The following PRPF8 variants were observed in gnomAD, a reference collection of about 807,000 sequenced individuals.
PRPF8 encodes pre-mRNA-processing-splicing factor 8.
PRPF8 carries 64 observed loss-of-function variants against 285.9 expected under a neutral mutation model. That is an observed-to-expected ratio of 0.22 (90% confidence interval 0.18 to 0.28). The LOEUF is 0.28. Among genes scored for constraint, PRPF8 ranks in the 10% least tolerant of loss-of-function variants. The probability of loss-of-function intolerance (pLI) is 1.00; values close to 1 mark genes in which losing one functional copy is unlikely to be tolerated. For synonymous variants in PRPF8, 1,325 were observed against 1,118.2 expected (o/e 1.18, Z -3.69); for missense variants, 1,426 against 3,026.7 (o/e 0.47, Z 12.41).
intron 11 of PRPF8, 24 bp downstream of exon 11, chr17:1,678,993 G>A (rs758683548): frequency 6.2e-7 from 1 of 1,613,806 alleles, no homozygotes; most frequent in Middle Eastern, 1.6e-4. Flanking sequence ...AGCCCAGGAG[G>A]CCCCTAGGGT....
At chr17:1,655,690 G>T (rs183055459) in intron 36 of PRPF8, 147 bp from the exon 37 acceptor site, 920 of 694,864 alleles carry the variant, frequency 1.3e-3, no homozygotes, top group Middle Eastern at 5.0e-3. Flanking sequence ...GCAGTGGCAT[G>T]ATCTCGGCTC....
At position 1,656,479 on chromosome 17, in the gene PRPF8, G is replaced by A. The variant is rs780644602; in HGVS notation, c.5706C>T (p.Phe1902=). The change falls in exon 36 of 43, where the codon TTC becomes TTT. Residue 1902 remains phenylalanine (F), a synonymous_variant. Coordinates refer to ENST00000304992, the MANE Select transcript of PRPF8 (RefSeq NM_006445.4). ...PFQACLKVEK[F]GDLILKATEP... ...CAGTGGCTTTAAGGATGAGATCCCC[G>A]AATTTTTCCACCTTGAGACACGCCT... is the stretch of plus-strand genomic sequence containing the variant. The A allele has an allele frequency of 4.5e-5, 72 of 1,614,114 alleles. No homozygotes were observed. The highest frequency in any genetic ancestry group is 5.3e-5 in the Non-Finnish European group (63 of 1,180,016).
At position 1,680,957 on chromosome 17, in the gene PRPF8, T is replaced by A. The variant is rs1339680432; in HGVS notation, c.964A>T (p.Asn322Tyr). 9 of 1,614,048 alleles carry A rather than the reference T, an allele frequency of 5.6e-6. No homozygotes were observed. The highest frequency in any genetic ancestry group is 7.6e-6 in the Non-Finnish European group (9 of 1,180,014). The change falls in exon 7 of 43, where the codon AAT (asparagine) becomes TAT (tyrosine). Residue 322 changes from asparagine to tyrosine, a missense_variant. By Grantham distance (143) the Asn-to-Tyr change is moderately radical. This residue lies in a region of PRPF8 where 157 missense variants were observed against 159.6 expected (regional missense o/e 0.98). Coordinates refer to ENST00000304992, the MANE Select transcript of PRPF8 (RefSeq NM_006445.4). ...GTGAGGTGGACATGGTGTGGAAGAT[T>A]GTTGTACAAGTAAGGAAAAGCAATC... ...YKIAFPYLYN[N>Y]LPHHVHLTWY...
At chr17:1,663,966 T>C (rs1911815957) in intron 24 of PRPF8, among the ~76,000 whole-genome samples, 1 of 152,090 alleles carries the variant, frequency 6.6e-6, no homozygotes, top group Non-Finnish European at 1.5e-5. Context: ...CTAAATACAT[T>C]ATGTAACTAA....
intron 24 of PRPF8, among the ~76,000 whole-genome samples, chr17:1,670,947 AG>A (rs1387952195): frequency 1.3e-5 from 2 of 151,442 alleles, no homozygotes; most frequent in African/African-American, 4.9e-5. Context: ...AAAAAAAAAA[AG>A]AAGAAAAACA....
intron 24 of PRPF8, among the ~76,000 whole-genome samples, chr17:1,668,084 T>C (rs964256025): frequency 4.6e-5 from 7 of 152,252 alleles, no homozygotes; most frequent in Non-Finnish European, 8.8e-5. Context: ...ATTTTACAGA[T>C]GAGGGAATTG....
rs1413229697 is a variant in PRPF8, at chr17:1,673,046, G to A, written c.3774+35C>T. 1.3e-6 allele frequency: 2 copies of A among 1,585,400 alleles called. No individual in the cohort carries two copies. The highest frequency in any genetic ancestry group is 2.2e-5 in the East Asian group (1 of 44,724). On this transcript the variant is annotated intron_variant, in intron 24 of 42. Transcript: ENST00000304992. This position sits in a 1 kb window ranked among gnomAD's most constrained non-coding sequence, Gnocchi z 5.5. ...TGTGAAATGAGCAGAGGACAGCAGAGGACAAGAGGGAAGCTGGGCATGACG... is the reference window on the plus strand; with the variant it reads ...TGTGAAATGAGCAGAGGACAGCAGAAGACAAGAGGGAAGCTGGGCATGACG...
In PRPF8 at chr17:1,679,518, A is replaced by C; in HGVS notation, c.1289+91T>G. The C allele has an allele frequency of 1.3e-6, 2 of 1,586,264 alleles. No homozygotes were observed. The highest frequency in any genetic ancestry group is 1.7e-6 in the Non-Finnish European group (2 of 1,168,628). The stretch of plus-strand genomic sequence containing the variant: ...ATTTTTATGGGAAAAAAAAAAAAAG[A>C]ATTTAAAAAAAAGGCTACATGCCCA... On this transcript the variant is annotated intron_variant, in intron 9 of 42. Transcript: ENST00000304992. The surrounding 1 kb of genome is among the most constrained non-coding windows in gnomAD (Gnocchi z 4.7).
intron 3 of PRPF8, among the ~76,000 whole-genome samples, chr17:1,682,759 A>G (rs1913006248): frequency 6.6e-6 from 1 of 152,178 alleles, no homozygotes; most frequent in Non-Finnish European, 1.5e-5. Context: ...AATAAACAAA[A>G]CTTCCAGTTC....
chr17:1,677,760 G>A lies in PRPF8; in HGVS notation c.1855-66C>T, dbSNP rs760148673. 97 of 1,597,736 alleles carry A rather than the reference G, an allele frequency of 6.1e-5. No homozygotes were observed. The African/African-American group carries it at 8.8e-4, about 15-fold the overall frequency. ...GCATTTAAACAACAATAGAAACCTG[G>A]GCAGAGGTGGGGCATATATGTATAA... On this transcript the variant is annotated intron_variant, in intron 13 of 42. Transcript: ENST00000304992.
At chr17:1,664,184 C>T (rs1911829496) in intron 24 of PRPF8, among the ~76,000 whole-genome samples, 11 of 152,012 alleles carry the variant, frequency 7.2e-5, no homozygotes, top group Admixed American at 7.2e-4. Context: ...GCGTGTACCA[C>T]CACACCCAGC....
In PRPF8 at chr17:1,659,981, A is replaced by G; in HGVS notation, c.4806T>C (p.Asp1602=). ...DLCQVFDQEL[D]ALEIETVQKE... Reference sequence around the variant, plus strand: ...TTTGTACTGTCTCAATTTCCAGTGCATCAAGTTCCTGGTCAAACACCTGAA... The same window carrying G: ...TTTGTACTGTCTCAATTTCCAGTGCGTCAAGTTCCTGGTCAAACACCTGAA... Residue 1602 remains aspartate, a synonymous_variant, in exon 31 of 43, where the codon GAT becomes GAC. Transcript: ENST00000304992. The surrounding 1 kb of genome is among the most constrained non-coding windows in gnomAD (Gnocchi z 5.1). 1 of 1,614,216 alleles carries G rather than the reference A, an allele frequency of 6.2e-7. No homozygotes were observed. The highest frequency in any genetic ancestry group is 1.3e-5 in the African/African-American group (1 of 75,062).
Position 1,675,045 on chromosome 17 carries a change from T to C in PRPF8, c.3060+107A>G. The stretch of plus-strand genomic sequence containing the variant: ...GCCTCAGCCTCCCAAAGTGCTGGGA[T>C]TACAGGCATGAGCCACCGCACCCAG... On this transcript the variant is annotated intron_variant, in intron 20 of 42. Coordinates refer to ENST00000304992, the MANE Select transcript of PRPF8 (RefSeq NM_006445.4). This position sits in a 1 kb window ranked among gnomAD's most constrained non-coding sequence, Gnocchi z 6.0. The C allele has an allele frequency of 7.4e-7, 1 of 1,344,210 alleles. No homozygotes were observed. Among genetic ancestry groups the C allele is most frequent in the Non-Finnish European group, 1.0e-6 (1 of 953,038 alleles). 83.3% of individuals were successfully genotyped at this position (1,344,210 alleles called of 1,614,324 possible).
intron 24 of PRPF8, among the ~76,000 whole-genome samples, chr17:1,663,737 A>G (rs1284877158): frequency 1.3e-5 from 2 of 149,246 alleles, no homozygotes; most frequent in African/African-American, 5.0e-5. Context: ...AAAAAAAAAA[A>G]AAGAGCCAAC....
At chr17:1,672,416 A>G (rs1235274937) in intron 24 of PRPF8, among the ~76,000 whole-genome samples, 2 of 152,138 alleles carry the variant, frequency 1.3e-5, no homozygotes, top group African/African-American at 2.4e-5. Flanking sequence ...AGTAGCTGCG[A>G]TTACAGGCGC....
At position 1,677,699 on chromosome 17, in the gene PRPF8, G is replaced by A. The variant is rs761657320; in HGVS notation, c.1855-5C>T. On this transcript the variant is annotated splice_region_variant and splice_polypyrimidine_tract_variant and intron_variant, in intron 13 of 42. Coordinates refer to ENST00000304992, the MANE Select transcript of PRPF8 (RefSeq NM_006445.4). ...AGGACCCTTCCCTACAGGGCCCTACGATCCCAAGCAGAAGTTAAGAATACA... is the reference window on the plus strand; with the variant it reads ...AGGACCCTTCCCTACAGGGCCCTACAATCCCAAGCAGAAGTTAAGAATACA... The A allele has an allele frequency of 5.6e-6, 9 of 1,613,666 alleles. No individual in the cohort carries two copies. Among genetic ancestry groups the A allele is most frequent in the South Asian group, 1.1e-5 (1 of 91,072 alleles).
chr17:1,665,880 G>C (rs1209245738), intron 24 of PRPF8, among the ~76,000 whole-genome samples: 1 of 149,462 alleles, frequency 6.7e-6, no homozygotes, highest in Non-Finnish European at 1.5e-5. Flanking sequence ...AAAGGTCCAG[G>C]CCAGGTGCGG....
In PRPF8 at chr17:1,682,251, C is replaced by T. The variant is rs754715753; in HGVS notation, c.312G>A (p.Glu104=). ...TCTGCTCCCAAGGCATAGGCATGTTCTCCAGGAGTTTGAGGACTGCGTGGG... is the reference window on the plus strand; with the variant it reads ...TCTGCTCCCAAGGCATAGGCATGTTTTCCAGGAGTTTGAGGACTGCGTGGG... The part of the protein sequence containing the change: ...YMPHAVLKLL[E]NMPMPWEQIR... Residue 104 remains glutamate (E), a synonymous_variant, in exon 4 of 43, where the codon GAG becomes GAA. Coordinates refer to ENST00000304992, the MANE Select transcript of PRPF8 (RefSeq NM_006445.4). The T allele has an allele frequency of 6.2e-7, 1 of 1,614,156 alleles. No individual in the cohort carries two copies. The highest frequency in any genetic ancestry group is 1.7e-5 in the Admixed American group (1 of 60,014).
chr17:1,666,890 G>C (rs148266735), intron 24 of PRPF8, among the ~76,000 whole-genome samples: 2,222 of 151,818 alleles, frequency 0.015, 32 homozygotes, highest in Middle Eastern at 0.024. Flanking sequence ...CAGAAAGGAG[G>C]GGGGCCGGGT....
Sources: gnomAD v4.1 joint callset for allele counts (sites outside exome capture counted in the v4.1 genomes callset) on GRCh38, gnomAD v4.1.1 for gene constraint, gnomAD v4.1.1 regional missense constraint, Gnocchi (gnomAD v3.1) non-coding constraint, MANE v1.5 for transcripts, NCBI Gene and HGNC (gene_info 2026-07-23, HGNC 2026-07-21) for gene names.